SYCP2L: variants seen among roughly 807,000 people sequenced by gnomAD.
SYCP2L encodes the protein synaptonemal complex protein 2 like.
SYCP2L carries 98 observed loss-of-function variants against 125.8 expected under a neutral mutation model. The observed-to-expected ratio is 0.78, with a 90% CI of 0.66 to 0.92. The LOEUF is 0.92. Among genes scored for constraint, SYCP2L ranks in the 40% least tolerant of loss-of-function variants. The pLI is 0.00. For synonymous variants in SYCP2L, 317 were observed against 325.4 expected (o/e 0.97, Z 0.28); for missense variants, 842 against 936.4 (o/e 0.90, Z 1.32).
At position 10,935,070 on chromosome 6, in the gene SYCP2L, T is replaced by G; in HGVS notation, c.1696T>G (p.Ser566Ala). 1 of 1,607,678 alleles carries G rather than the reference T, an allele frequency of 6.2e-7. No individual in the cohort carries two copies. The highest frequency in any genetic ancestry group is 8.5e-7 in the Non-Finnish European group (1 of 1,177,912). The change falls in exon 21 of 30, where the codon TCA becomes GCA. Residue 566 changes from serine (S) to alanine (A), a missense_variant. Coordinates refer to ENST00000283141, the MANE Select transcript of SYCP2L (RefSeq NM_001040274.3). ...GHEKDQAKLL[S>A]PSEKEIPEQN... ...TACTATATTTTAGGCTAAGCTTCTATCACCATCAGAGAAAGAAATACCCGA... is the reference window on the plus strand; with the variant it reads ...TACTATATTTTAGGCTAAGCTTCTAGCACCATCAGAGAAAGAAATACCCGA...
intron 4 of SYCP2L, 102 bp from the exon 5 acceptor site, chr6:10,897,909 T>A: frequency 3.7e-6 from 3 of 801,484 alleles, no homozygotes; most frequent in Non-Finnish European, 6.4e-6. Context: ...TGGGAAAAGA[T>A]CTTTAAGATT....
At chr6:10,945,485 T>C (rs982397420) in intron 23 of SYCP2L, among the ~76,000 whole-genome samples, 1 of 152,084 alleles carries the variant, frequency 6.6e-6, no homozygotes, top group African/African-American at 2.4e-5. Context: ...TAATAAGTCT[T>C]TAGGCCAGGC....
At position 10,954,611 on chromosome 6, in the gene SYCP2L, C is replaced by G. The variant is rs945935971; in HGVS notation, c.1955-505C>G. Among the ~76,000 whole-genome samples the G allele has an allele frequency of 6.6e-6, 1 of 152,192 alleles. No individual in the cohort carries two copies. The highest frequency in any genetic ancestry group is 2.4e-5 in the African/African-American group (1 of 41,434). ...TGTTATGCTGAATTGAAATGGGAAT[C>G]TATGTTCGAGTCTCTCAAAATCACT... is the stretch of plus-strand genomic sequence containing the variant. On this transcript the variant is annotated intron_variant, in intron 23 of 29. Transcript: ENST00000283141. This position sits in a 1 kb window ranked among gnomAD's most constrained non-coding sequence, Gnocchi z 4.8.
chr6:10,908,090 G>T (rs1780534091), intron 10 of SYCP2L, among the ~76,000 whole-genome samples: 1 of 152,048 alleles, frequency 6.6e-6, no homozygotes, highest in Non-Finnish European at 1.5e-5. Context: ...GTTTAGCCAT[G>T]TTGGCCAGTC....
chr6:10,968,604 T>G (rs762147708), intron 29 of SYCP2L, among the ~76,000 whole-genome samples: 3 of 152,076 alleles, frequency 2.0e-5, no homozygotes, highest in Non-Finnish European at 4.4e-5. Flanking sequence ...AAAGGAAATA[T>G]TTTCTTCCAG....
In SYCP2L at chr6:10,887,191, G is replaced by A. The variant is rs1007899746; in HGVS notation, c.9+56G>A. On this transcript the variant is annotated intron_variant, in intron 1 of 29. Coordinates refer to ENST00000283141, the MANE Select transcript of SYCP2L (RefSeq NM_001040274.3). ...TGTCCACAGTGCTAGGGCGCGCGAG[G>A]GCGCGGGGTCCCTGGGGCTCAGGTT... The A allele has an allele frequency of 5.0e-6, 8 of 1,610,136 alleles. No homozygotes were observed. The Admixed American group carries it at 1.3e-4, about 27-fold the overall frequency.
chr6:10,898,366 C>T (rs1406731776), intron 5 of SYCP2L, among the ~76,000 whole-genome samples: 9 of 151,840 alleles, frequency 5.9e-5, no homozygotes, highest in Non-Finnish European at 1.0e-4. Flanking sequence ...TACAGAAATT[C>T]GCCGGGCGTG....
intron 6 of SYCP2L, among the ~76,000 whole-genome samples, chr6:10,900,856 G>T (rs192329080): frequency 6.0e-4 from 92 of 152,310 alleles, no homozygotes; most frequent in African/African-American, 2.2e-3. Flanking sequence ...ACCTTAGCGG[G>T]GCTGGCCTCT....
At chr6:10,942,556 C>A in intron 22 of SYCP2L, 27 bp downstream of exon 22, 1 of 1,588,560 alleles carries the variant, frequency 6.3e-7, no homozygotes, top group Non-Finnish European at 8.6e-7. Context: ...GGTTATTCAT[C>A]TGATTTTCCA....
At chr6:10,916,439 T>C (rs921353409) in intron 14 of SYCP2L, among the ~76,000 whole-genome samples, 7 of 152,212 alleles carry the variant, frequency 4.6e-5, no homozygotes, top group African/African-American at 1.7e-4. Flanking sequence ...TTCAGACTTT[T>C]TGATGTAGGT....
chr6:10,967,454 G>GGGGTGTGTGTGTGT (rs56098075), intron 29 of SYCP2L, among the ~76,000 whole-genome samples: 4,648 of 138,846 alleles, frequency 0.033, 166 homozygotes, highest in East Asian at 0.084. Flanking sequence ...TGGGGTAGAG[G>GGGGTGTGTGTGTGT]GTGTGTGTGT....
At chr6:10,917,072 A>G (rs866166007) in intron 14 of SYCP2L, among the ~76,000 whole-genome samples, 2 of 152,232 alleles carry the variant, frequency 1.3e-5, no homozygotes, top group Admixed American at 1.3e-4. Flanking sequence ...CATATGGTCT[A>G]TCTTGGAGAA....
At chr6:10,888,228 C>T (rs1780114255) in intron 1 of SYCP2L, among the ~76,000 whole-genome samples, 1 of 151,624 alleles carries the variant, frequency 6.6e-6, no homozygotes, top group South Asian at 2.1e-4. Context: ...TCCCGAGTAG[C>T]TGAGACTACA....
At chr6:10,920,448 C>T (rs1389646243) in intron 14 of SYCP2L, among the ~76,000 whole-genome samples, 1 of 152,106 alleles carries the variant, frequency 6.6e-6, no homozygotes, top group African/African-American at 2.4e-5. Context: ...AACTCCTGAC[C>T]TCAAGTGATC....
intron 10 of SYCP2L, among the ~76,000 whole-genome samples, chr6:10,909,246 A>G (rs1313240072): frequency 6.9e-6 from 1 of 145,972 alleles, no homozygotes; most frequent in Non-Finnish European, 1.5e-5. Context: ...CTCCTGCCTT[A>G]TCCTCCCGAG....
intron 14 of SYCP2L, among the ~76,000 whole-genome samples, chr6:10,916,030 C>G (rs1201351836): frequency 6.6e-6 from 1 of 152,148 alleles, no homozygotes; most frequent in Non-Finnish European, 1.5e-5. Flanking sequence ...GTATCTGATT[C>G]TTCCTGATTT....
intron 23 of SYCP2L, among the ~76,000 whole-genome samples, chr6:10,947,340 T>G (rs1451459519): frequency 6.6e-6 from 1 of 152,122 alleles, no homozygotes; most frequent in Non-Finnish European, 1.5e-5. Context: ...AGAATTTTGA[T>G]AGAAATTGCA....
intron 5 of SYCP2L, 32 bp downstream of exon 5, chr6:10,898,147 A>G (rs1301641254): frequency 6.3e-6 from 9 of 1,437,352 alleles, no homozygotes; most frequent in Non-Finnish European, 7.8e-6. Flanking sequence ...CACTGAGCAG[A>G]TGCCATTGGT....
intron 26 of SYCP2L, among the ~76,000 whole-genome samples, chr6:10,960,255 G>T (rs6919499): frequency 0.081 from 12,311 of 152,186 alleles, 1,163 homozygotes; most frequent in African/African-American, 0.22. Flanking sequence ...TATTTGAATA[G>T]AAATTTTTAC....
Sources: gnomAD v4.1 joint callset for allele counts (sites outside exome capture counted in the v4.1 genomes callset) on GRCh38, gnomAD v4.1.1 for gene constraint, Gnocchi (gnomAD v3.1) non-coding constraint, MANE v1.5 for transcripts, NCBI Gene and HGNC (gene_info 2026-07-23, HGNC 2026-07-21) for gene names.